EBF3: variants seen among roughly 807,000 people sequenced by gnomAD.
EBF3 encodes EBF transcription factor 3.
Under a neutral mutation model 77.1 loss-of-function variants are expected in EBF3, and 18 were observed. The ratio of observed to expected loss-of-function variants is 0.23; its 90% CI spans 0.16 to 0.35. The LOEUF (loss-of-function observed/expected upper bound fraction) is 0.35, where lower values mean the gene tolerates loss of function less well. Ranked by LOEUF, EBF3 falls within the 10% of genes least tolerant of loss-of-function variation. EBF3 has a pLI of 1.00. For synonymous variants in EBF3, 350 were observed against 343.5 expected (o/e 1.02, Z -0.21); for missense variants, 558 against 860.0 (o/e 0.65, Z 4.39).
intron 7 of EBF3, among the ~76,000 whole-genome samples, chr10:129,876,748 G>A (rs182339015): frequency 1.0e-3 from 158 of 152,228 alleles, no homozygotes; most frequent in Middle Eastern, 6.8e-3. Flanking sequence ...TTCTAGCCCA[G>A]ACTATTTTTA....
chr10:129,840,356 G>T lies in EBF3; in HGVS notation c.1648C>A (p.Pro550Thr). The T allele has an allele frequency of 6.4e-7, 1 of 1,569,028 alleles. No individual in the cohort carries two copies. Among genetic ancestry groups the T allele is most frequent in the Non-Finnish European group, 8.7e-7 (1 of 1,155,880 alleles). Residue 550 changes from proline (P) to threonine (T), a missense_variant, in exon 15 of 17, where the codon CCT becomes ACT. Around this residue, in one of 5 missense-constraint regions of EBF3, gnomAD observed 284 missense variants for 368.3 expected, o/e 0.77. Transcript: ENST00000440978. ...TTCACTGCGGAGATGACATTGGCAGGTGAGAATGAGAAAATGCCGTGTGTG... is the reference window on the plus strand; with the variant it reads ...TTCACTGCGGAGATGACATTGGCAGTTGAGAATGAGAAAATGCCGTGTGTG... ...SSTHGIFSFS[P>T]ANVISAVKQK...
intron 6 of EBF3, among the ~76,000 whole-genome samples, chr10:129,899,627 C>G (rs56077987): frequency 0.29 from 44,035 of 152,068 alleles, 7,096 homozygotes; most frequent in Non-Finnish European, 0.37. Flanking sequence ...AAGGCCAGGC[C>G]GGGGAATGGC....
chr10:129,905,549 G>A (rs1187149334), intron 6 of EBF3, among the ~76,000 whole-genome samples: 1 of 152,100 alleles, frequency 6.6e-6, no homozygotes, highest in Non-Finnish European at 1.5e-5. Context: ...ACTGGTCTAG[G>A]GAGCAGGCTG....
intron 16 of EBF3, among the ~76,000 whole-genome samples, chr10:129,838,511 T>C (rs541760111): frequency 1.7e-4 from 26 of 152,106 alleles, no homozygotes; most frequent in Non-Finnish European, 3.4e-4. Context: ...CTCTCCAGAA[T>C]CAAAGCCACT....
At chr10:129,930,288 T>C (rs369555573) in intron 6 of EBF3, among the ~76,000 whole-genome samples, 2 of 152,214 alleles carry the variant, frequency 1.3e-5, no homozygotes, top group South Asian at 4.1e-4. Flanking sequence ...CTCATAATCC[T>C]GTGAGCCAAT....
rs1049944291 is a variant in EBF3, at chr10:129,963,957, G to C, written c.-189C>G. 1 of 1,035,480 alleles carries C rather than the reference G, an allele frequency of 9.7e-7. No individual in the cohort carries two copies. The highest frequency in any genetic ancestry group is 1.2e-6 in the Non-Finnish European group (1 of 864,562). 64.1% of individuals were successfully genotyped at this position (1,035,480 alleles called of 1,614,324 possible). ...ACACCAGCGGCCGGGCGCTCCGGAC[G>C]GCCAGGGGCGCGGAGGCGGCTCCAC... On this transcript the variant is annotated 5_prime_UTR_variant, in exon 1 of 17. Coordinates refer to ENST00000440978, the MANE Select transcript of EBF3 (RefSeq NM_001375380.1). This position sits in a 1 kb window ranked among gnomAD's most constrained non-coding sequence, Gnocchi z 7.1.
At chr10:129,921,399 G>T (rs1856296959) in intron 6 of EBF3, among the ~76,000 whole-genome samples, 1 of 152,102 alleles carries the variant, frequency 6.6e-6, no homozygotes, top group Non-Finnish European at 1.5e-5. Context: ...TGTCACCTGG[G>T]GGAAAAGTCA....
rs946503885 is a variant in EBF3 at position 129,963,279 on chromosome 10, TA to T, written c.291+87del. 5.9e-6 allele frequency: 9 copies of T among 1,528,944 alleles called. No individual in the cohort carries two copies. In the African/African-American group the frequency reaches 7.2e-5, roughly 12 times the overall value. The allele number at this position is 1,528,944 out of a possible 1,614,324, so 94.7% of individuals were successfully genotyped here. ...GCCTGGCGGAGCCGAGCCCGCCGCC[TA>T]GGGGGGCACTCGAACCCCCGCGCAC... On this transcript the variant is annotated intron_variant, in intron 2 of 16. Coordinates refer to ENST00000440978, the MANE Select transcript of EBF3 (RefSeq NM_001375380.1). This position sits in a 1 kb window ranked among gnomAD's most constrained non-coding sequence, Gnocchi z 7.1.
intron 6 of EBF3, among the ~76,000 whole-genome samples, chr10:129,918,569 C>A (rs1216677130): frequency 6.6e-6 from 1 of 152,222 alleles, no homozygotes; most frequent in Non-Finnish European, 1.5e-5. Context: ...GCACCACCAA[C>A]CTGCGGTTTA....
intron 6 of EBF3, among the ~76,000 whole-genome samples, chr10:129,903,662 G>C (rs1319180887): frequency 6.6e-6 from 1 of 152,190 alleles, no homozygotes; most frequent in Non-Finnish European, 1.5e-5. Flanking sequence ...AGAATCAGGA[G>C]TGGGGACATA....
intron 6 of EBF3, among the ~76,000 whole-genome samples, chr10:129,941,948 C>G (rs1857777318): frequency 6.6e-6 from 1 of 152,224 alleles, no homozygotes; most frequent in African/African-American, 2.4e-5. Flanking sequence ...GCAAAGTGAG[C>G]TCACAGGACA....
intron 10 of EBF3, among the ~76,000 whole-genome samples, chr10:129,853,204 A>C (rs1340107372): frequency 6.6e-6 from 1 of 152,122 alleles, no homozygotes; most frequent in East Asian, 1.9e-4. Flanking sequence ...CAAGGGGGGA[A>C]CTCGCAGGTA....
chr10:129,844,485 G>A (rs1039337928), intron 11 of EBF3, among the ~76,000 whole-genome samples: 2 of 152,030 alleles, frequency 1.3e-5, no homozygotes, highest in East Asian at 1.9e-4. Context: ...AAGCAGGCCC[G>A]TAATGACTCC....
Position 129,837,753 on chromosome 10 carries a change from G to A in EBF3, c.*190C>T. On this transcript the variant is annotated 3_prime_UTR_variant, in exon 17 of 17. Coordinates refer to ENST00000440978, the MANE Select transcript of EBF3 (RefSeq NM_001375380.1). ...TTGTTCATGAAGAAGTAGGCTGTTT[G>A]CATGTTGATTCTTAATAGTTTAAAT... is the stretch of plus-strand genomic sequence containing the variant. The A allele has an allele frequency of 1.5e-6, 1 of 660,738 alleles. No homozygotes were observed. The highest frequency in any genetic ancestry group is 2.6e-6 in the Non-Finnish European group (1 of 388,868). 40.9% of individuals were successfully genotyped at this position (660,738 alleles called of 1,614,324 possible).
At chr10:129,876,895 C>A (rs955820120) in intron 7 of EBF3, among the ~76,000 whole-genome samples, 2 of 114,852 alleles carry the variant, frequency 1.7e-5, no homozygotes, top group Non-Finnish European at 3.9e-5. Flanking sequence ...ACCCCCCCCC[C>A]CCCCCCACCC....
At chr10:129,936,734 C>T (rs1371255431) in intron 6 of EBF3, among the ~76,000 whole-genome samples, 1 of 140,002 alleles carries the variant, frequency 7.1e-6, no homozygotes, top group African/African-American at 2.7e-5. Context: ...ACCCAGGGGG[C>T]TATGGGGGGA....
chr10:129,867,883 T>C lies in EBF3; in HGVS notation c.811A>G (p.Ser271Gly), dbSNP rs1852137753. 2 of 1,614,194 alleles carry C rather than the reference T, an allele frequency of 1.2e-6. No individual in the cohort carries two copies. Among genetic ancestry groups the C allele is most frequent in the Non-Finnish European group, 1.7e-6 (2 of 1,180,032 alleles). Reference protein sequence around the residue: ...ATPCIKAISPSEGWTTGGATV... With the variant: ...ATPCIKAISPGEGWTTGGATV... ...GCACCCCCCGTGGTCCAGCCTTCAC[T>C]GGGACTGATGGCCTTGATGCACGGA... The change falls in exon 9 of 17, where the codon AGT becomes GGT. Residue 271 changes from serine (S) to glycine (G), a missense_variant. By Grantham distance (56) the Ser-to-Gly change is moderately conservative (BLOSUM62 0). This residue lies in a region of EBF3 where 112 missense variants were observed against 207.7 expected (regional missense o/e 0.54). Coordinates refer to ENST00000440978, the MANE Select transcript of EBF3 (RefSeq NM_001375380.1).
At chr10:129,883,786 G>T (rs76762639) in intron 6 of EBF3, among the ~76,000 whole-genome samples, 2 of 152,190 alleles carry the variant, frequency 1.3e-5, no homozygotes, top group African/African-American at 4.8e-5. Flanking sequence ...CAGCTGCTTC[G>T]TGGGTACAGG....
At position 129,842,112 on chromosome 10, in the gene EBF3, A is replaced by G. The variant is rs937170321; in HGVS notation, c.1372+4T>C. On this transcript the variant is annotated splice_donor_region_variant and intron_variant, in intron 13 of 16. Transcript: ENST00000440978. The surrounding 1 kb of genome is among the most constrained non-coding windows in gnomAD (Gnocchi z 4.4). ...GCAGGGGTCCTCCCAGCATGCTGGC[A>G]TACCTTGGTCGTTGGCTTGTGACGT... 52 of 1,614,084 alleles carry G rather than the reference A, an allele frequency of 3.2e-5. No homozygotes were observed. Among genetic ancestry groups the G allele is most frequent in the Non-Finnish European group, 3.8e-5 (45 of 1,180,042 alleles).
Sources: gnomAD v4.1 joint callset for allele counts (sites outside exome capture counted in the v4.1 genomes callset) on GRCh38, gnomAD v4.1.1 for gene constraint, gnomAD v4.1.1 regional missense constraint, Gnocchi (gnomAD v3.1) non-coding constraint, MANE v1.5 for transcripts, NCBI Gene and HGNC (gene_info 2026-07-23, HGNC 2026-07-21) for gene names.